Variants in KLHL29 observed in about 807,000 individuals in gnomAD.
KLHL29 encodes kelch-like protein 29.
A neutral mutation model predicts 80.4 loss-of-function variants in KLHL29; 21 were observed. That is an observed-to-expected ratio of 0.26 (90% CI 0.19 to 0.38). The LOEUF (loss-of-function observed/expected upper bound fraction) is 0.38. KLHL29 is among the 10% of genes least tolerant of loss of function. The probability of loss-of-function intolerance (pLI) is 1.00; values close to 1 mark genes in which losing one functional copy is unlikely to be tolerated. For missense variants in KLHL29, 867 were observed against 1,223.9 expected (o/e 0.71, Z 4.35); for synonymous variants, 511 against 526.8 (o/e 0.97, Z 0.41).
chr2:23,396,395 T>C (rs1666453196), intron 1 of KLHL29, among the ~76,000 whole-genome samples: 1 of 152,250 alleles, frequency 6.6e-6, no homozygotes, highest in African/African-American at 2.4e-5. Context: ...TTGGGTAGCC[T>C]ATTTTGCCAT....
intron 1 of KLHL29, among the ~76,000 whole-genome samples, chr2:23,440,181 A>T (rs1161457442): frequency 1.3e-5 from 2 of 152,196 alleles, no homozygotes. Flanking sequence ...CCGCATATCT[A>T]CAACTATCTG....
intron 1 of KLHL29, among the ~76,000 whole-genome samples, chr2:23,409,379 T>C (rs962736874): frequency 5.3e-5 from 8 of 152,196 alleles, no homozygotes; most frequent in Non-Finnish European, 1.2e-4. Flanking sequence ...TCCTAGCATA[T>C]GGCTGGAGGT....
rs1027142809 is a variant in KLHL29 at position 23,672,293 on chromosome 2, C to T, written c.941-12106C>T. The T allele has an allele frequency of 5.3e-5, 8 of 152,356 alleles. 1 individual carries two copies. The highest frequency in any genetic ancestry group is 2.0e-4 in the Admixed American group (3 of 15,288). The allele number at this position is 152,356 out of a possible 1,614,324, so 9.4% of individuals were successfully genotyped here. On this transcript the variant is annotated intron_variant, in intron 5 of 13. Coordinates refer to ENST00000486442, the MANE Select transcript of KLHL29 (RefSeq NM_052920.2). ...GATTGTCCCCAGTAGGAAGGGGTTC[C>T]AGTGCTGAGCAGCCAAACTCACCTC... is the stretch of plus-strand genomic sequence containing the variant.
intron 1 of KLHL29, among the ~76,000 whole-genome samples, chr2:23,471,406 C>T (rs2103435355): frequency 6.6e-6 from 1 of 152,268 alleles, no homozygotes; most frequent in African/African-American, 2.4e-5. Flanking sequence ...ATGTTAGGAA[C>T]TATCTTTATT....
chr2:23,458,827 A>G (rs1353614096), intron 1 of KLHL29, among the ~76,000 whole-genome samples: 1 of 152,228 alleles, frequency 6.6e-6, no homozygotes, highest in Non-Finnish European at 1.5e-5. Context: ...AGGAGAGGAC[A>G]TGCAGCTGGT....
intron 2 of KLHL29, among the ~76,000 whole-genome samples, chr2:23,557,820 T>C (rs1053216223): frequency 6.6e-6 from 1 of 152,136 alleles, no homozygotes; most frequent in Non-Finnish European, 1.5e-5. Flanking sequence ...TGTGTTGTTT[T>C]GTAGGAAGGT....
intron 1 of KLHL29, among the ~76,000 whole-genome samples, chr2:23,474,045 C>T (rs1036554370): frequency 4.6e-5 from 7 of 152,136 alleles, no homozygotes; most frequent in African/African-American, 9.7e-5. Context: ...CAACATGCAC[C>T]CTACCCTGCT....
chr2:23,541,271 A>AGATG (rs1482195254), intron 2 of KLHL29, among the ~76,000 whole-genome samples: 8 of 152,226 alleles, frequency 5.3e-5, no homozygotes, highest in Admixed American at 1.3e-4. Context: ...ATGCACGGGT[A>AGATG]GATGGATGGA....
intron 5 of KLHL29, among the ~76,000 whole-genome samples, chr2:23,683,307 C>T (rs1385499798): frequency 6.6e-6 from 1 of 152,250 alleles, no homozygotes; most frequent in Non-Finnish European, 1.5e-5. Context: ...TGAAGACAGT[C>T]TAGGTCATTC....
At chr2:23,452,919 C>CAG (rs2103422741) in intron 1 of KLHL29, among the ~76,000 whole-genome samples, 1 of 151,728 alleles carries the variant, frequency 6.6e-6, no homozygotes, top group African/African-American at 2.4e-5. Context: ...CGCCCACACA[C>CAG]ACACACACAT....
At chr2:23,698,417 T>C (rs17507628) in intron 11 of KLHL29, among the ~76,000 whole-genome samples, 81,643 of 152,040 alleles carry the variant, frequency 0.54, 22,668 homozygotes, top group East Asian at 0.79. Flanking sequence ...GTAGGTTGCT[T>C]TCTGTGGCAC....
At chr2:23,466,336 G>A (rs1203259630) in intron 1 of KLHL29, among the ~76,000 whole-genome samples, 1 of 152,176 alleles carries the variant, frequency 6.6e-6, no homozygotes, top group Non-Finnish European at 1.5e-5. Context: ...CCTTTAAGAA[G>A]CATCTATGTG....
At chr2:23,500,584 G>C (rs1311222183) in intron 2 of KLHL29, among the ~76,000 whole-genome samples, 1 of 152,188 alleles carries the variant, frequency 6.6e-6, no homozygotes, top group African/African-American at 2.4e-5. Flanking sequence ...GCAGTGACAT[G>C]ATGCATATGT....
At chr2:23,543,572 G>A (rs1204482660) in intron 2 of KLHL29, among the ~76,000 whole-genome samples, 1 of 152,132 alleles carries the variant, frequency 6.6e-6, no homozygotes, top group Non-Finnish European at 1.5e-5. Context: ...ACTGATTTCC[G>A]TGTTTCCTTG....
At chr2:23,390,554 A>G in intron 1 of KLHL29, among the ~76,000 whole-genome samples, 1 of 152,182 alleles carries the variant, frequency 6.6e-6, no homozygotes, top group South Asian at 2.1e-4. Flanking sequence ...ACACATATAT[A>G]TACACATACA....
At chr2:23,641,564 A>C (rs1157911417) in intron 4 of KLHL29, among the ~76,000 whole-genome samples, 1 of 121,572 alleles carries the variant, frequency 8.2e-6, no homozygotes, top group Non-Finnish European at 1.9e-5. Flanking sequence ...GGCATTCACC[A>C]CATGCCAGAC....
At chr2:23,508,989 G>T (rs556341690) in intron 2 of KLHL29, among the ~76,000 whole-genome samples, 190 of 152,308 alleles carry the variant, frequency 1.2e-3, no homozygotes, top group Admixed American at 2.2e-3. Flanking sequence ...ATCTGTAAAA[G>T]ATTTGGATGA....
chr2:23,564,795 G>C (rs1473938042), intron 3 of KLHL29, among the ~76,000 whole-genome samples: 1 of 152,224 alleles, frequency 6.6e-6, no homozygotes, highest in South Asian at 2.1e-4. Context: ...CCCTCGGGGA[G>C]CTCACGGCTC....
intron 2 of KLHL29, among the ~76,000 whole-genome samples, chr2:23,515,364 C>G: frequency 6.6e-6 from 1 of 152,356 alleles, no homozygotes; most frequent in South Asian, 2.1e-4. Context: ...GCACAACATA[C>G]ATGCTATTTC....
Sources: gnomAD v4.1 joint callset for allele counts (sites outside exome capture counted in the v4.1 genomes callset) on GRCh38, gnomAD v4.1.1 for gene constraint, MANE v1.5 for transcripts, NCBI Gene and HGNC (gene_info 2026-07-23, HGNC 2026-07-21) for gene names.